Variants in SMARCA1 observed in about 807,000 individuals in gnomAD.
SMARCA1 encodes the protein SWI/SNF-related matrix-associated actin-dependent regulator of chromatin subfamily A member 1.
SMARCA1 carries 17 observed loss-of-function variants against 93.6 expected under a neutral mutation model. The observed-to-expected ratio is 0.18, with a 90% CI of 0.12 to 0.27. SMARCA1 has a LOEUF of 0.27. Among genes scored for constraint, SMARCA1 ranks in the 10% least tolerant of loss-of-function variants. The probability of loss-of-function intolerance (pLI) is 1.00; values close to 1 mark genes in which losing one functional copy is unlikely to be tolerated. For missense variants in SMARCA1, 630 were observed against 819.0 expected (o/e 0.77, Z 2.82); for synonymous variants, 271 against 271.4 (o/e 1.00, Z 0.01).
At chrX:129,471,587 A>C (rs1933127493) in intron 19 of SMARCA1, among the ~76,000 whole-genome samples, 1 of 112,021 alleles carries the variant, frequency 8.9e-6, no homozygotes, top group African/African-American at 3.3e-5. Flanking sequence ...ACCCTGGAAC[A>C]AAGTCTACCC....
rs144028092 is a variant in SMARCA1 at position 129,505,999 on chromosome X, T to C, written c.1098+81A>G. ...AAAAATTACAAATTAAAAAGTACCATAAATTTCAATCTATAATGTTTTAAA... is the reference window on the plus strand; with the variant it reads ...AAAAATTACAAATTAAAAAGTACCACAAATTTCAATCTATAATGTTTTAAA... On this transcript the variant is annotated intron_variant, in intron 8 of 24. Transcript: ENST00000371121. 2.1e-4 allele frequency: 167 copies of C among 780,742 alleles called. 1 individual carries two copies. The highest frequency in any genetic ancestry group is 2.1e-3 in the African/African-American group (100 of 47,984). The allele number at this position is 780,742 out of a possible 1,213,427, so 64.3% of individuals were successfully genotyped here.
At chrX:129,504,574 A>AC (rs1934729889) in intron 9 of SMARCA1, among the ~76,000 whole-genome samples, 160 bp downstream of exon 9, 1 of 100,501 alleles carries the variant, frequency 1.0e-5, no homozygotes, top group Non-Finnish European at 2.0e-5. Context: ...AAAAAAAAAA[A>AC]AAAAAAACAA....
chrX:129,455,212 C>T (rs1008539342), intron 23 of SMARCA1, among the ~76,000 whole-genome samples: 2 of 111,548 alleles, frequency 1.8e-5, no homozygotes, highest in Non-Finnish European at 3.8e-5. Flanking sequence ...ACCCAAATGC[C>T]CATCAATGAT....
intron 5 of SMARCA1, among the ~76,000 whole-genome samples, chrX:129,512,796 C>T (rs760261718): frequency 5.4e-5 from 6 of 111,257 alleles, no homozygotes; most frequent in Admixed American, 2.9e-4. Flanking sequence ...ACTCCTTAAC[C>T]CAGTAATTCT....
rs191301583 is a variant in SMARCA1, at chrX:129,491,233, T to C, written c.1815+708A>G. On this transcript the variant is annotated intron_variant, in intron 14 of 24. Coordinates refer to ENST00000371121, the MANE Select transcript of SMARCA1 (RefSeq NM_001282874.2). ...CCAAAAAGACACTTATCCATAGCTA[T>C]ATATTCAAAACCTAAGAAGTTATTT... Among the ~76,000 whole-genome samples the C allele has an allele frequency of 2.2e-3, 242 of 111,845 alleles. 3 individuals are homozygous for C. The highest frequency in any genetic ancestry group is 0.018 in the Admixed American group (188 of 10,516).
chrX:129,492,223 T>G, intron 13 of SMARCA1, 130 bp from the exon 14 acceptor site: 1 of 407,813 alleles, frequency 2.5e-6, no homozygotes. Context: ...ATAATATTCC[T>G]TATAAATATA....
At chrX:129,451,700 A>AT (rs772285996) in intron 23 of SMARCA1, among the ~76,000 whole-genome samples, 9,758 of 81,325 alleles carry the variant, frequency 0.12, 727 homozygotes, top group East Asian at 0.21. Context: ...TACCAGCTCC[A>AT]TTTTTTTTTT....
At chrX:129,496,055 A>G (rs756615470) in intron 12 of SMARCA1, among the ~76,000 whole-genome samples, 2 of 103,528 alleles carry the variant, frequency 1.9e-5, no homozygotes, top group Non-Finnish European at 3.9e-5. Context: ...AAAGCCTTCC[A>G]AGCAAAAGTG....
intron 23 of SMARCA1, among the ~76,000 whole-genome samples, chrX:129,453,507 G>GTC (rs1338377311): frequency 8.9e-6 from 1 of 112,094 alleles, no homozygotes; most frequent in Non-Finnish European, 1.9e-5. Flanking sequence ...AAGTCAAATT[G>GTC]TCTGTTTGCA....
At chrX:129,491,574 T>C (rs1934129302) in intron 14 of SMARCA1, among the ~76,000 whole-genome samples, 1 of 112,050 alleles carries the variant, frequency 8.9e-6, no homozygotes, top group African/African-American at 3.2e-5. Flanking sequence ...CTAAGGATTT[T>C]AATATATTTA....
chrX:129,504,618 G>A, intron 9 of SMARCA1, 116 bp downstream of exon 9: 1 of 283,341 alleles, frequency 3.5e-6, no homozygotes. Context: ...GGGAGAAACA[G>A]TGACATTGAG....
chrX:129,507,433 G>A (rs1292197628), intron 7 of SMARCA1, among the ~76,000 whole-genome samples: 1 of 112,386 alleles, frequency 8.9e-6, no homozygotes. Context: ...ATAACAGTTA[G>A]GCACAGGAGG....
chrX:129,456,270 T>C (rs1932618695), intron 23 of SMARCA1, among the ~76,000 whole-genome samples: 1 of 111,768 alleles, frequency 8.9e-6, no homozygotes, highest in Non-Finnish European at 1.9e-5. Context: ...TAAGCCCATG[T>C]TGAGACCCTA....
At chrX:129,454,770 A>G (rs1932509817) in intron 23 of SMARCA1, among the ~76,000 whole-genome samples, 1 of 111,672 alleles carries the variant, frequency 9.0e-6, no homozygotes, top group African/African-American at 3.3e-5. Flanking sequence ...TACATTAGGT[A>G]TATCTCCTAA....
rs1294568942 is a variant in SMARCA1, at chrX:129,465,898, A to T, written c.2763T>A (p.Arg921=). The part of the protein sequence containing the change: ...DIEKIMAQIE[R]GEARIQRRIS... ...TCCTTCGTTGAATTCTTGCTTCTCC[A>T]CGTTCAATTTGAGCCATAATTTTCT... Residue 921 remains arginine (R), a synonymous_variant, in exon 22 of 25, where the codon CGT becomes CGA. Coordinates refer to ENST00000371121, the MANE Select transcript of SMARCA1 (RefSeq NM_001282874.2). The T allele has an allele frequency of 7.6e-6, 9 of 1,185,915 alleles. No homozygotes were observed. The highest frequency in any genetic ancestry group is 9.1e-6 in the Non-Finnish European group (8 of 883,372).
chrX:129,468,644 A>C, intron 21 of SMARCA1, 129 bp downstream of exon 21: 1 of 415,199 alleles, frequency 2.4e-6, no homozygotes. Context: ...ATACAATTAT[A>C]GTTTATACTC....
rs745877461 is a variant in SMARCA1 at position 129,506,062 on chromosome X, C to T, written c.1098+18G>A. ...GAAAATAAGAAAGTTATACTTAAAA[C>T]GTATGGCTTAAACTTACATCTGCAG... is the stretch of plus-strand genomic sequence containing the variant. On this transcript the variant is annotated intron_variant, in intron 8 of 24. Transcript: ENST00000371121. 131 of 1,148,843 alleles carry T rather than the reference C, an allele frequency of 1.1e-4. No individual in the cohort carries two copies. The highest frequency in any genetic ancestry group is 3.4e-4 in the South Asian group (17 of 50,061). The allele number at this position is 1,148,843 out of a possible 1,213,427, so 94.7% of individuals were successfully genotyped here.
chrX:129,522,050 A>G (rs1935411098), intron 1 of SMARCA1, among the ~76,000 whole-genome samples: 1 of 111,946 alleles, frequency 8.9e-6, no homozygotes, highest in Non-Finnish European at 1.9e-5. Flanking sequence ...TAAAATTGCG[A>G]TATGACTACT....
chrX:129,447,069 A>AGC lies in SMARCA1; in HGVS notation c.*92_*93insGC, dbSNP rs1213788452. The AGC allele has an allele frequency of 3.1e-6, 2 of 649,733 alleles. No homozygotes were observed. Among genetic ancestry groups the AGC allele is most frequent in the African/African-American group, 4.5e-5 (2 of 44,208 alleles). The allele number at this position is 649,733 out of a possible 1,213,427, so 53.5% of individuals were successfully genotyped here. ...AATCAAAACCAAAGAGATTTTTCTT[A>AGC]GAGTACCATGAATACACTGGAACTG... On this transcript the variant is annotated 3_prime_UTR_variant, in exon 25 of 25. Transcript: ENST00000371121.
Sources: gnomAD v4.1 joint callset for allele counts (sites outside exome capture counted in the v4.1 genomes callset) on GRCh38, gnomAD v4.1.1 for gene constraint, MANE v1.5 for transcripts, NCBI Gene and HGNC (gene_info 2026-07-23, HGNC 2026-07-21) for gene names.